The following BCAS1 variants were observed in gnomAD, a reference collection of about 807,000 sequenced individuals.
The protein encoded by BCAS1 is brain enriched myelin associated protein 1, also known as breast carcinoma-amplified sequence 1.
Under a neutral mutation model 65.4 loss-of-function variants are expected in BCAS1, and 46 were observed. The observed-to-expected ratio is 0.70, with a 90% CI of 0.55 to 0.90. BCAS1 has a LOEUF of 0.90. BCAS1 is among the 40% of genes least tolerant of loss of function. The pLI is 0.00. For missense variants in BCAS1, 793 were observed against 771.2 expected (o/e 1.03, Z -0.33); for synonymous variants, 298 against 293.5 (o/e 1.02, Z -0.16).
intron 4 of BCAS1, among the ~76,000 whole-genome samples, chr20:54,005,703 T>C (rs1002766492): frequency 1.3e-5 from 2 of 152,118 alleles, no homozygotes; most frequent in Non-Finnish European, 2.9e-5. Context: ...CAAGAGTGAC[T>C]GAACTAGAAG....
rs183074520 is a variant in BCAS1, at chr20:53,997,072, T to C, written c.724-1022A>G. On this transcript the variant is annotated intron_variant, in intron 4 of 12. Coordinates refer to ENST00000688948, the MANE Select transcript of BCAS1 (RefSeq NM_001366298.2). ...CTTTGGAGAGATTGTCCCTAAACAT[T>C]CATCTAAGGCTGTCCTCCCACCACT... Among the ~76,000 whole-genome samples the C allele has an allele frequency of 1.5e-4, 23 of 152,314 alleles. 1 individual carries two copies. The East Asian group carries it at 4.2e-3, about 28-fold the overall frequency.
rs1032190938 is a variant in BCAS1 at position 54,028,441 on chromosome 20, T to C, written c.674A>G (p.Asp225Gly). ...AKRAEHQDKV[D>G]EVPGLSGQSD... ...CTGCCCTGATAAGCCAGGAACCTCA[T>C]CCACCTTGTCTTGATGCTCTGCCCT... The change falls in exon 4 of 13, where the codon GAT (aspartate) becomes GGT (glycine). Residue 225 changes from aspartate (D) to glycine (G), a missense_variant. Coordinates refer to ENST00000688948, the MANE Select transcript of BCAS1 (RefSeq NM_001366298.2). 7 of 1,614,206 alleles carry C rather than the reference T, an allele frequency of 4.3e-6. No homozygotes were observed. Among genetic ancestry groups the C allele is most frequent in the Non-Finnish European group, 5.9e-6 (7 of 1,180,020 alleles).
In BCAS1 at chr20:54,032,242, G is replaced by A. The variant is rs758563184; in HGVS notation, c.143-3270C>T. On this transcript the variant is annotated intron_variant, in intron 3 of 12. Coordinates refer to ENST00000688948, the MANE Select transcript of BCAS1 (RefSeq NM_001366298.2). ...TATCTGACTAAACTAAGCTTCATAAGCAAAAGAGAAATAAGATCATTTTCA... is the reference window on the plus strand; with the variant it reads ...TATCTGACTAAACTAAGCTTCATAAACAAAAGAGAAATAAGATCATTTTCA... Among the ~76,000 whole-genome samples the A allele has an allele frequency of 4.0e-5, 6 of 151,184 alleles. 2 individuals carry two copies. Among genetic ancestry groups the A allele is most frequent in the Non-Finnish European group, 7.4e-5 (5 of 67,552 alleles).
At chr20:54,023,371 A>G (rs73133444) in intron 4 of BCAS1, among the ~76,000 whole-genome samples, 6,074 of 152,286 alleles carry the variant, frequency 0.04, 150 homozygotes, top group Middle Eastern at 0.095. Flanking sequence ...TGAACTGTTG[A>G]CTTCTTCATC....
chr20:53,965,722 A>AT (rs546078606), intron 10 of BCAS1, among the ~76,000 whole-genome samples: 1 of 152,182 alleles, frequency 6.6e-6, no homozygotes. Context: ...CACCTTCAGA[A>AT]TTTTTGCCAT....
chr20:54,017,288 C>A (rs1406438232), intron 4 of BCAS1, among the ~76,000 whole-genome samples: 1 of 152,050 alleles, frequency 6.6e-6, no homozygotes, highest in Admixed American at 6.6e-5. Context: ...ATAAAATGTT[C>A]TTCTCTTGTT....
intron 4 of BCAS1, among the ~76,000 whole-genome samples, chr20:53,996,427 T>C (rs2090912274): frequency 6.9e-6 from 1 of 144,880 alleles, no homozygotes; most frequent in Non-Finnish European, 1.5e-5. Context: ...AGATGGCGTT[T>C]CCCACAATTT....
chr20:54,027,169 T>C (rs1045317368), intron 4 of BCAS1, among the ~76,000 whole-genome samples: 3 of 152,234 alleles, frequency 2.0e-5, no homozygotes, highest in African/African-American at 7.2e-5. Context: ...ATAAGCTCTT[T>C]GAATCAAAAT....
At chr20:53,991,687 C>CT (rs1318290294) in intron 7 of BCAS1, among the ~76,000 whole-genome samples, 1 of 152,142 alleles carries the variant, frequency 6.6e-6, no homozygotes, top group Non-Finnish European at 1.5e-5. Flanking sequence ...TCATTCATTG[C>CT]TTTTTTCCGC....
chr20:54,054,192 A>C (rs2092261888), intron 3 of BCAS1, among the ~76,000 whole-genome samples: 1 of 152,192 alleles, frequency 6.6e-6, no homozygotes, highest in African/African-American at 2.4e-5. Flanking sequence ...GGTCCCTCCC[A>C]TGACACGTGG....
At chr20:53,960,802 T>G (rs1178288073) in intron 10 of BCAS1, among the ~76,000 whole-genome samples, 1 of 152,218 alleles carries the variant, frequency 6.6e-6, no homozygotes, top group Non-Finnish European at 1.5e-5. Context: ...TGTTGAACTC[T>G]GTATTCAAAG....
intron 4 of BCAS1, among the ~76,000 whole-genome samples, chr20:53,997,089 C>A (rs187796218): frequency 2.6e-5 from 4 of 152,334 alleles, no homozygotes; most frequent in African/African-American, 9.6e-5. Flanking sequence ...AGGCTGTCCT[C>A]CCACCACTGT....
chr20:53,973,733 C>A (rs2145684428), intron 9 of BCAS1, among the ~76,000 whole-genome samples: 1 of 152,244 alleles, frequency 6.6e-6, no homozygotes. Context: ...AATAGTAATT[C>A]ATGAGAACTT....
rs2089605405 is a variant in BCAS1 at position 53,953,693 on chromosome 20, T to C, written c.1554A>G (p.Thr518=). ...TGATAGTCTTTTCTGTGGAGTCTGA[T>C]GTCTACAGCAATTTCAAACAAAGTA... ...EINGKDSSCQ[T]SDSTEKTITP... is the part of the protein sequence containing the mutation. Residue 518 remains threonine, a splice_region_variant and synonymous_variant, in exon 12 of 13, where the codon ACA becomes ACG. Coordinates refer to ENST00000688948, the MANE Select transcript of BCAS1 (RefSeq NM_001366298.2). 6.2e-7 allele frequency: 1 copy of C among 1,611,206 alleles called. No homozygotes were observed. Among genetic ancestry groups the C allele is most frequent in the Admixed American group, 1.7e-5 (1 of 59,686 alleles).
At chr20:53,995,827 ATTC>A in intron 5 of BCAS1, 62 bp downstream of exon 5, 1 of 1,466,654 alleles carries the variant, frequency 6.8e-7, no homozygotes, top group Non-Finnish European at 9.2e-7. Context: ...AATGTGCATT[ATTC>A]TTAGAATTAA....
intron 8 of BCAS1, among the ~76,000 whole-genome samples, chr20:53,975,689 G>A (rs777412950): frequency 9.9e-5 from 15 of 151,990 alleles, no homozygotes; most frequent in African/African-American, 3.4e-4. Context: ...AATGGAGCAA[G>A]CAGAAGCGTT....
At chr20:53,994,072 C>T (rs2090837062) in intron 6 of BCAS1, among the ~76,000 whole-genome samples, 1 of 152,202 alleles carries the variant, frequency 6.6e-6, no homozygotes, top group Admixed American at 6.5e-5. Context: ...AGTAGCAGAA[C>T]TGGAGCTGAA....
intron 3 of BCAS1, among the ~76,000 whole-genome samples, chr20:54,048,144 C>T (rs974475623): frequency 6.6e-6 from 1 of 152,044 alleles, no homozygotes; most frequent in Admixed American, 6.5e-5. Context: ...TAGGGAGCCT[C>T]TTGAGTGAGA....
At chr20:54,043,453 A>G (rs1489568879) in intron 3 of BCAS1, among the ~76,000 whole-genome samples, 1 of 152,058 alleles carries the variant, frequency 6.6e-6, no homozygotes, top group Non-Finnish European at 1.5e-5. Flanking sequence ...CAGTGTTTAT[A>G]TTTTTTTGAA....
Sources: allele counts gnomAD v4.1 joint callset (sites outside exome capture counted in the v4.1 genomes callset), GRCh38; gene constraint gnomAD v4.1.1; transcripts MANE v1.5; gene names NCBI Gene and HGNC (gene_info 2026-07-23, HGNC 2026-07-21).